Variants in CDH12 observed in about 807,000 individuals in gnomAD.
CDH12 encodes cadherin-12.
CDH12 carries 41 observed loss-of-function variants against 74.1 expected under a neutral mutation model. That is an observed-to-expected ratio of 0.55 (90% CI 0.43 to 0.72). The LOEUF (loss-of-function observed/expected upper bound fraction) is 0.72. Ranked by LOEUF, CDH12 falls within the 30% of genes least tolerant of loss-of-function variation. The probability of loss-of-function intolerance (pLI) is 0.00; values close to 1 mark genes in which losing one functional copy is unlikely to be tolerated. For synonymous variants in CDH12, 399 were observed against 355.0 expected (o/e 1.12, Z -1.39); for missense variants, 945 against 977.2 (o/e 0.97, Z 0.44).
chr5:22,363,630 C>A (rs998264168), intron 3 of CDH12, among the ~76,000 whole-genome samples: 1 of 152,084 alleles, frequency 6.6e-6, no homozygotes, highest in Non-Finnish European at 1.5e-5. Flanking sequence ...GGAAAGCTGA[C>A]AGATAACAGT....
At chr5:21,899,782 T>G (rs576986515) in intron 6 of CDH12, among the ~76,000 whole-genome samples, 35 of 145,058 alleles carry the variant, frequency 2.4e-4, no homozygotes, top group Non-Finnish European at 4.6e-4. Flanking sequence ...TTCTTCTAGC[T>G]TTTTTGAATA....
intron 8 of CDH12, among the ~76,000 whole-genome samples, chr5:21,817,678 G>A (rs937927597): frequency 6.6e-5 from 10 of 151,796 alleles, no homozygotes; most frequent in Non-Finnish European, 2.9e-5. Context: ...AATTCTAGTC[G>A]ATGATAGATT....
At chr5:22,147,862 G>A (rs1747309114) in intron 4 of CDH12, among the ~76,000 whole-genome samples, 2 of 152,108 alleles carry the variant, frequency 1.3e-5, no homozygotes, top group South Asian at 2.1e-4. Flanking sequence ...GCTACAATTC[G>A]AGATAAGATT....
intron 4 of CDH12, among the ~76,000 whole-genome samples, chr5:22,154,070 A>C (rs924430041): frequency 6.7e-6 from 1 of 148,360 alleles, no homozygotes; most frequent in Non-Finnish European, 1.5e-5. Flanking sequence ...GAAATTTATC[A>C]GTGATGCTTT....
intron 11 of CDH12, among the ~76,000 whole-genome samples, chr5:21,765,541 CAAA>C (rs200367776): frequency 4.8e-5 from 4 of 83,868 alleles, no homozygotes; most frequent in Admixed American, 1.2e-4. Flanking sequence ...AGAACTATAA[CAAA>C]AAAAAAAAAA....
At chr5:22,163,316 C>T (rs1748474051) in intron 4 of CDH12, among the ~76,000 whole-genome samples, 1 of 152,158 alleles carries the variant, frequency 6.6e-6, no homozygotes, top group African/African-American at 2.4e-5. Context: ...CTTCCAAATA[C>T]ATATTTCCAG....
At chr5:21,792,487 T>A (rs4492078) in intron 10 of CDH12, among the ~76,000 whole-genome samples, 89,858 of 151,500 alleles carry the variant, frequency 0.59, 29,316 homozygotes, top group Non-Finnish European at 0.73. Context: ...ACATGCAATA[T>A]GATTAAAATA....
intron 4 of CDH12, among the ~76,000 whole-genome samples, chr5:22,190,708 A>T (rs1160902545): frequency 6.6e-6 from 1 of 152,152 alleles, no homozygotes; most frequent in African/African-American, 2.4e-5. Flanking sequence ...GTGCGAAAAG[A>T]CATCTAAAGC....
chr5:22,546,885 T>C (rs755232966), intron 1 of CDH12, among the ~76,000 whole-genome samples: 83 of 152,218 alleles, frequency 5.5e-4, no homozygotes, highest in Non-Finnish European at 9.0e-4. Context: ...CTACTTATCT[T>C]ACTGTGATCT....
chr5:22,602,675 A>G (rs528442116), intron 1 of CDH12, among the ~76,000 whole-genome samples: 28 of 152,248 alleles, frequency 1.8e-4, no homozygotes, highest in Non-Finnish European at 1.0e-4. Flanking sequence ...ACTCTTCCTT[A>G]TGAGATGACA....
chr5:22,659,104 T>G (rs1740216247), intron 1 of CDH12, among the ~76,000 whole-genome samples: 1 of 152,172 alleles, frequency 6.6e-6, no homozygotes, highest in Non-Finnish European at 1.5e-5. Context: ...AAGAAAGATC[T>G]AAATCTGTTG....
intron 1 of CDH12, among the ~76,000 whole-genome samples, chr5:22,798,049 AT>A (rs1360467973): frequency 1.3e-5 from 2 of 152,146 alleles, no homozygotes; most frequent in Non-Finnish European, 2.9e-5. Context: ...AAGAAAAGAA[AT>A]TTTTTCGCCT....
chr5:22,569,666 A>G (rs528303580), intron 1 of CDH12, among the ~76,000 whole-genome samples: 92 of 152,292 alleles, frequency 6.0e-4, no homozygotes, highest in Middle Eastern at 3.4e-3. Flanking sequence ...AAACCATTTT[A>G]TTAGATTATC....
At chr5:22,151,255 C>A (rs1266598357) in intron 4 of CDH12, among the ~76,000 whole-genome samples, 3 of 152,072 alleles carry the variant, frequency 2.0e-5, no homozygotes, top group Admixed American at 1.3e-4. Flanking sequence ...TTTGTGAACA[C>A]TTTATTGCCT....
At chr5:22,768,763 A>G (rs775382704) in intron 1 of CDH12, among the ~76,000 whole-genome samples, 16 of 152,128 alleles carry the variant, frequency 1.1e-4, no homozygotes, top group Non-Finnish European at 2.2e-4. Flanking sequence ...TTTGCACCTC[A>G]TTTTAAAAAA....
At chr5:22,500,238 G>C (rs557458739) in intron 2 of CDH12, among the ~76,000 whole-genome samples, 1 of 152,180 alleles carries the variant, frequency 6.6e-6, no homozygotes, top group East Asian at 1.9e-4. Context: ...CCTTTGATTA[G>C]GATAATTTTT....
rs76700916 is a variant in CDH12, at chr5:22,015,736, G to C, written c.232-40351C>G. Among the ~76,000 whole-genome samples the C allele has an allele frequency of 4.2e-3, 634 of 152,200 alleles. 8 individuals carry two copies. Among genetic ancestry groups the C allele is most frequent in the Middle Eastern group, 0.014 (4 of 294 alleles). ...TATTCTTCAACTTTGTTCTTTTACA[G>C]TGAAGTACCGTGACAGATAGTTATA... On this transcript the variant is annotated intron_variant, in intron 5 of 14. Coordinates refer to ENST00000382254, the MANE Select transcript of CDH12 (RefSeq NM_004061.5).
At chr5:21,871,101 G>A (rs2150019057) in intron 6 of CDH12, among the ~76,000 whole-genome samples, 1 of 152,212 alleles carries the variant, frequency 6.6e-6, no homozygotes, top group South Asian at 2.1e-4. Flanking sequence ...TCTTCAGTGT[G>A]ACAGGTAACA....
chr5:22,654,178 CTTCT>C (rs150976009), intron 1 of CDH12, among the ~76,000 whole-genome samples: 8,214 of 147,354 alleles, frequency 0.056, 610 homozygotes, highest in African/African-American at 0.16. Flanking sequence ...TCCTTCCTTT[CTTCT>C]TTCTTTCTTT....
Sources: gnomAD v4.1 joint callset for allele counts (sites outside exome capture counted in the v4.1 genomes callset) on GRCh38, gnomAD v4.1.1 for gene constraint, MANE v1.5 for transcripts, NCBI Gene and HGNC (gene_info 2026-07-23, HGNC 2026-07-21) for gene names.